The following SMYD2 variants were observed in gnomAD, a reference collection of about 807,000 sequenced individuals.
The protein encoded by SMYD2 is SET and MYND domain containing 2.
In SMYD2, 53 loss-of-function variants were observed where a neutral mutation model predicts 59.1. The ratio of observed to expected loss-of-function variants is 0.90; its 90% CI spans 0.72 to 1.13. SMYD2 has a LOEUF of 1.13. SMYD2 is among the 50% of genes most tolerant of loss of function. The probability of loss-of-function intolerance (pLI) is 0.00; values close to 1 mark genes in which losing one functional copy is unlikely to be tolerated. For missense variants in SMYD2, 494 were observed against 544.7 expected, an observed-to-expected ratio of 0.91 and a Z score of 0.93; for synonymous variants, 208 against 198.8, an observed-to-expected ratio of 1.05 and a Z score of -0.39.
In SMYD2 at chr1:214,330,151, C is replaced by CT. The variant is rs1179332466; in HGVS notation, c.706-12dup. 2 of 1,556,012 alleles carry CT rather than the reference C, an allele frequency of 1.3e-6. No individual in the cohort carries two copies. Among genetic ancestry groups the CT allele is most frequent in the Non-Finnish European group, 1.8e-6 (2 of 1,134,382 alleles). ...TACCTGTAGCAGACTGAAGCTTTAT[C>CT]TTTTTGGACCCCGTAGGTTTTTACC... On this transcript the variant is annotated splice_polypyrimidine_tract_variant and intron_variant, in intron 7 of 11. Transcript: ENST00000366957.
At chr1:214,294,442 C>G (rs112140517) in intron 1 of SMYD2, among the ~76,000 whole-genome samples, 2 of 152,284 alleles carry the variant, frequency 1.3e-5, no homozygotes, top group South Asian at 4.1e-4. Flanking sequence ...CCAAGACGGG[C>G]GGATGGCTTG....
chr1:214,300,554 C>G (rs532286297), intron 1 of SMYD2, among the ~76,000 whole-genome samples: 1 of 152,126 alleles, frequency 6.6e-6, no homozygotes, highest in African/African-American at 2.4e-5. Flanking sequence ...CCACTGGAGC[C>G]GGGGCATTAT....
rs567842329 is a variant in SMYD2, at chr1:214,326,959, T to C, written c.603-663T>C. ...GCACTTTTTCCCTGTAGTTTAGAAA[T>C]TTCTGTTCTCAGAACTTTGACCTTC... On this transcript the variant is annotated intron_variant, in intron 6 of 11. Coordinates refer to ENST00000366957, the MANE Select transcript of SMYD2 (RefSeq NM_020197.3). 3.9e-5 allele frequency among the ~76,000 whole-genome samples: 6 copies of C among 152,368 alleles called. No individual in the cohort carries two copies. In the East Asian group the frequency reaches 1.2e-3, roughly 29 times the overall value.
chr1:214,283,849 T>C (rs1656488108), intron 1 of SMYD2, among the ~76,000 whole-genome samples: 1 of 152,230 alleles, frequency 6.6e-6, no homozygotes, highest in African/African-American at 2.4e-5. Flanking sequence ...GATAAATGAA[T>C]GACCCAAGAA....
intron 5 of SMYD2, among the ~76,000 whole-genome samples, chr1:214,323,831 C>T (rs778275847): frequency 1.2e-4 from 19 of 152,230 alleles, no homozygotes; most frequent in Non-Finnish European, 2.2e-4. Context: ...TTTAAGCCCT[C>T]AATCCCTCTG....
In SMYD2 at chr1:214,317,480, G is replaced by A. The variant is rs191019292; in HGVS notation, c.349-599G>A. Among the ~76,000 whole-genome samples the A allele has an allele frequency of 8.3e-4, 127 of 152,352 alleles. 4 individuals are homozygous for A. The highest frequency in any genetic ancestry group is 6.8e-3 in the Middle Eastern group (2 of 294). ...ATTACAAAGACATGGCCTTGGGCCA[G>A]CTCCTGAGCTCTGCCTTTGAACTCT... On this transcript the variant is annotated intron_variant, in intron 3 of 11. Coordinates refer to ENST00000366957, the MANE Select transcript of SMYD2 (RefSeq NM_020197.3).
At chr1:214,310,425 C>G (rs1656981210) in intron 2 of SMYD2, among the ~76,000 whole-genome samples, 1 of 151,876 alleles carries the variant, frequency 6.6e-6, no homozygotes, top group African/African-American at 2.4e-5. Context: ...AACAAGTATT[C>G]ATAATCTTGT....
In SMYD2 at chr1:214,331,072, T is replaced by C. The variant is rs1657345124; in HGVS notation, c.937+2T>C. ...TCCGGAGGGCCAAGCACTATAAATA[T>C]ATCCTTTACAACTGCCCTGATAGCT... On this transcript the variant is annotated splice_donor_variant, in intron 9 of 11. Coordinates refer to ENST00000366957, the MANE Select transcript of SMYD2 (RefSeq NM_020197.3). LOFTEE classifies it high-confidence loss of function. 1 of 1,614,052 alleles carries C rather than the reference T, an allele frequency of 6.2e-7. No individual in the cohort carries two copies. The highest frequency in any genetic ancestry group is 1.1e-5 in the South Asian group (1 of 91,078).
At chr1:214,310,412 C>T (rs1171173888) in intron 2 of SMYD2, among the ~76,000 whole-genome samples, 1 of 151,868 alleles carries the variant, frequency 6.6e-6, no homozygotes, top group Non-Finnish European at 1.5e-5. Flanking sequence ...ACTAAAAGAA[C>T]AGAACAAGTA....
intron 7 of SMYD2, among the ~76,000 whole-genome samples, chr1:214,329,927 AC>A (rs2102478370): frequency 6.6e-6 from 1 of 152,280 alleles, no homozygotes; most frequent in East Asian, 1.9e-4. Context: ...CTTTCCACTA[AC>A]CTGCACCTTG....
intron 1 of SMYD2, among the ~76,000 whole-genome samples, chr1:214,291,677 C>T (rs896122865): frequency 6.6e-6 from 1 of 152,138 alleles, no homozygotes; most frequent in Non-Finnish European, 1.5e-5. Flanking sequence ...GTGTTGGCCA[C>T]GACCCTTATG....
At chr1:214,290,503 T>A (rs1374262048) in intron 1 of SMYD2, among the ~76,000 whole-genome samples, 2 of 152,204 alleles carry the variant, frequency 1.3e-5, no homozygotes, top group African/African-American at 2.4e-5. Context: ...AAGTTTATAG[T>A]CCCTAGAGAT....
Position 214,336,848 on chromosome 1 carries a change from T to TA in SMYD2, c.*64_*65insA. The TA allele has an allele frequency of 1.4e-6, 2 of 1,400,546 alleles. No homozygotes were observed. Among genetic ancestry groups the TA allele is most frequent in the African/African-American group, 1.4e-5 (1 of 69,964 alleles). 86.8% of individuals were successfully genotyped at this position (1,400,546 alleles called of 1,614,324 possible). A position where few individuals can be genotyped will look rare whatever the true frequency, so the allele number is the denominator to read the frequency against. On this transcript the variant is annotated 3_prime_UTR_variant, in exon 12 of 12. Transcript: ENST00000366957. Reference sequence around the variant, plus strand: ...TCAGAAACCTTAAAGGATTTGAATATTTCAAATTGCACACGTCACTCCAGC... The same window carrying TA: ...TCAGAAACCTTAAAGGATTTGAATATATTCAAATTGCACACGTCACTCCAGC...
chr1:214,286,815 C>A (rs6682161), intron 1 of SMYD2, among the ~76,000 whole-genome samples: 10,524 of 148,214 alleles, frequency 0.071, 446 homozygotes, highest in South Asian at 0.19. Flanking sequence ...CAGTACAACC[C>A]TAGCACATAG....
At chr1:214,304,294 C>G (rs1656879792) in intron 1 of SMYD2, among the ~76,000 whole-genome samples, 1 of 152,078 alleles carries the variant, frequency 6.6e-6, no homozygotes, top group Non-Finnish European at 1.5e-5. Context: ...CACGGCGGCT[C>G]ATGCCTATAA....
intron 1 of SMYD2, among the ~76,000 whole-genome samples, chr1:214,297,318 T>G (rs888951406): frequency 3.3e-5 from 5 of 152,140 alleles, no homozygotes; most frequent in African/African-American, 1.2e-4. Flanking sequence ...TTTCAGGTTT[T>G]TTTTTTTTTA....
intron 2 of SMYD2, among the ~76,000 whole-genome samples, chr1:214,308,770 G>A (rs1468274329): frequency 6.6e-6 from 1 of 152,196 alleles, no homozygotes; most frequent in Non-Finnish European, 1.5e-5. Flanking sequence ...GTCCCAAGTG[G>A]TTGGGTGACC....
intron 10 of SMYD2, chr1:214,332,732 C>T (rs1482904372): frequency 6.5e-6 from 1 of 152,728 alleles, no homozygotes. Context: ...GAATATTAGC[C>T]CTGGAGAGAT....
chr1:214,324,878 A>C (rs1256497354), intron 6 of SMYD2, among the ~76,000 whole-genome samples, 170 bp downstream of exon 6: 1 of 152,236 alleles, frequency 6.6e-6, no homozygotes, highest in Non-Finnish European at 1.5e-5. Context: ...CCTACACTTA[A>C]GGATCCAAAG....
Sources: allele counts gnomAD v4.1 joint callset (sites outside exome capture counted in the v4.1 genomes callset), GRCh38; gene constraint gnomAD v4.1.1; transcripts MANE v1.5; gene names NCBI Gene and HGNC (gene_info 2026-07-23, HGNC 2026-07-21).